The following GPLD1 variants were observed in gnomAD, a reference collection of about 807,000 sequenced individuals.
GPLD1 encodes phosphatidylinositol-glycan-specific phospholipase D.
Under a neutral mutation model 112.6 loss-of-function variants are expected in GPLD1, and 84 were observed. That is an observed-to-expected ratio of 0.75 (90% CI 0.63 to 0.89). The LOEUF (loss-of-function observed/expected upper bound fraction) is 0.89, where lower values mean the gene tolerates loss of function less well. Ranked by LOEUF, GPLD1 falls within the 40% of genes least tolerant of loss-of-function variation. The probability of loss-of-function intolerance (pLI) is 0.00; values close to 1 mark genes in which losing one functional copy is unlikely to be tolerated. For synonymous variants in GPLD1, 386 were observed against 403.8 expected, an observed-to-expected ratio of 0.96 and a Z score of 0.53; for missense variants, 1,044 against 1,051.5, an observed-to-expected ratio of 0.99 and a Z score of 0.10.
At chr6:24,465,596 G>A (rs1414837257) in intron 10 of GPLD1, among the ~76,000 whole-genome samples, 1 of 151,946 alleles carries the variant, frequency 6.6e-6, no homozygotes, top group Non-Finnish European at 1.5e-5. Flanking sequence ...AGAAAGAAAT[G>A]GGTTATCAGA....
In GPLD1 at chr6:24,495,088, T is replaced by C. The variant is rs1764662233; in HGVS notation, n.118A>G. On this transcript the variant is annotated non_coding_transcript_exon_variant, in exon 1 of 11. Coordinates refer to the GPLD1 transcript ENST00000474784. ...CGCCTCCGCCCCCGCGCCGGCGGCC[T>C]GGTCCCTGCCTCCGGGCCTGCGCCC... 3 of 1,322,696 alleles carry C rather than the reference T, an allele frequency of 2.3e-6. No individual in the cohort carries two copies. Among genetic ancestry groups the C allele is most frequent in the South Asian group, 4.4e-5 (2 of 45,194 alleles). 81.9% of individuals were successfully genotyped at this position (1,322,696 alleles called of 1,614,324 possible). A position where few individuals can be genotyped will look rare whatever the true frequency, so the allele number is the denominator to read the frequency against.
At chr6:24,448,921 C>G (rs1306142529) in intron 15 of GPLD1, among the ~76,000 whole-genome samples, 2 of 152,028 alleles carry the variant, frequency 1.3e-5, no homozygotes, top group African/African-American at 4.8e-5. Flanking sequence ...ACTAGGTACA[C>G]AATGACAAAT....
chr6:24,464,485 C>T (rs1283574652), intron 10 of GPLD1, among the ~76,000 whole-genome samples: 1 of 152,236 alleles, frequency 6.6e-6, no homozygotes, highest in South Asian at 2.1e-4. Context: ...TTGTTACTCA[C>T]CGATTGTTAA....
chr6:24,493,910 G>A (rs1764621627), upstream of GPLD1, among the ~76,000 whole-genome samples: 2 of 152,166 alleles, frequency 1.3e-5, no homozygotes, highest in African/African-American at 4.8e-5. Flanking sequence ...ATAGGGCTGG[G>A]CTTCATTTGC....
chr6:24,494,998 T>C lies in GPLD1; in HGVS notation n.208A>G, dbSNP rs1248373329. ...CCTGTCGCCGTCGTTGCCCGGGCCA[T>C]GGCGACCTGCATTTGGCTGCGGAGC... On this transcript the variant is annotated non_coding_transcript_exon_variant, in exon 1 of 11. Transcript: ENST00000474784. 5 of 1,315,294 alleles carry C rather than the reference T, an allele frequency of 3.8e-6. No homozygotes were observed. The African/African-American group carries it at 6.1e-5, about 16-fold the overall frequency. 81.5% of individuals were successfully genotyped at this position (1,315,294 alleles called of 1,614,324 possible).
chr6:24,448,052 A>G lies in GPLD1; in HGVS notation c.1522-19T>C. The G allele has an allele frequency of 1.2e-6, 2 of 1,613,558 alleles. No individual in the cohort carries two copies. The highest frequency in any genetic ancestry group is 1.7e-6 in the Non-Finnish European group (2 of 1,179,786). On this transcript the variant is annotated intron_variant, in intron 16 of 24. Coordinates refer to ENST00000230036, the MANE Select transcript of GPLD1 (RefSeq NM_001503.4). ...AGATGTCCTTAAGAAGAAACCAGGA[A>G]AGCACATTTTACCCAGCCCTGGTGG...
chr6:24,466,610 G>T, intron 10 of GPLD1, 70 bp downstream of exon 10: 2 of 1,285,662 alleles, frequency 1.6e-6, no homozygotes, highest in South Asian at 2.6e-5. Context: ...TGAAAAACCT[G>T]AGAGTTATGT....
At chr6:24,482,099 T>TTTG (rs201469734) in intron 2 of GPLD1, among the ~76,000 whole-genome samples, 8,923 of 51,110 alleles carry the variant, frequency 0.17, 1,011 homozygotes, top group African/African-American at 0.4. Flanking sequence ...ATTTTTGGAT[T>TTTG]TTTTTTTTTT....
At chr6:24,478,299 T>G (rs941635510) in intron 3 of GPLD1, among the ~76,000 whole-genome samples, 1 of 152,094 alleles carries the variant, frequency 6.6e-6, no homozygotes, top group Non-Finnish European at 1.5e-5. Context: ...GTTAACAGAC[T>G]AAGAGGGAAA....
At chr6:24,453,706 G>GTT (rs1554131058) in intron 14 of GPLD1, among the ~76,000 whole-genome samples, 40 of 82,358 alleles carry the variant, frequency 4.9e-4, no homozygotes, top group Non-Finnish European at 1.3e-3. Context: ...TTTCGTGTGT[G>GTT]TGTGTGTGTG....
intron 2 of GPLD1, among the ~76,000 whole-genome samples, chr6:24,482,097 A>ATTTTGTT (rs781099419): frequency 9.7e-6 from 1 of 103,224 alleles, no homozygotes. Context: ...GTATTTTTGG[A>ATTTTGTT]TTTTTTTTTT....
At position 24,454,048 on chromosome 6, in the gene GPLD1, G is replaced by C. The variant is rs1419672137; in HGVS notation, c.1302C>G (p.Asp434Glu). 1.9e-6 allele frequency: 3 copies of C among 1,613,250 alleles called. No homozygotes were observed. ...LGLPPVDLDLDKEAHRILEGF... is the reference protein window; with the variant it reads ...LGLPPVDLDLEKEAHRILEGF... The stretch of plus-strand genomic sequence containing the variant: ...CTTCAAGGATCCTGTGGGCCTCCTT[G>C]TCCAGGTCCAGGTCAACAGGTGGCA... Residue 434 changes from aspartate to glutamate, a missense_variant, in exon 14 of 25, where the codon GAC (aspartate) becomes GAG (glutamate). Transcript: ENST00000230036.
At chr6:24,484,883 T>C (rs181902348) in intron 2 of GPLD1, among the ~76,000 whole-genome samples, 10 of 152,326 alleles carry the variant, frequency 6.6e-5, no homozygotes, top group African/African-American at 2.4e-4. Context: ...CCCAAATGGA[T>C]TATGAAGACT....
rs149870664 is a variant in GPLD1, at chr6:24,473,656, G to A, written c.453C>T (p.His151=). The change falls in exon 6 of 25, where the codon CAC becomes CAT. Residue 151 remains histidine, a synonymous_variant. Coordinates refer to ENST00000230036, the MANE Select transcript of GPLD1 (RefSeq NM_001503.4). ...CCGAATGAGCCTCTGAATAGGAGCC[G>A]TGAAAATCAATCTAAGAAAGAAAGA... ...FLRTMGAIDF[H]GSYSEAHSAG... The A allele has an allele frequency of 6.2e-5, 99 of 1,605,396 alleles. No homozygotes were observed. The highest frequency in any genetic ancestry group is 9.9e-5 in the South Asian group (9 of 90,754).
At chr6:24,462,309 T>C (rs116382677) in intron 11 of GPLD1, among the ~76,000 whole-genome samples, 1 of 151,974 alleles carries the variant, frequency 6.6e-6, no homozygotes, top group Non-Finnish European at 1.5e-5. Context: ...ATTTTGTTCA[T>C]TTTTTGTAGA....
chr6:24,482,025 A>G (rs112661865), intron 2 of GPLD1, among the ~76,000 whole-genome samples: 2 of 152,052 alleles, frequency 1.3e-5, no homozygotes, highest in African/African-American at 4.8e-5. Context: ...TATGCCAAAG[A>G]GCAAACTGTT....
intron 20 of GPLD1, among the ~76,000 whole-genome samples, chr6:24,440,595 A>AAAAAAAAG (rs1762714430): frequency 6.6e-6 from 1 of 150,624 alleles, no homozygotes; most frequent in South Asian, 2.1e-4. Context: ...AAAAAAAAAA[A>AAAAAAAAG]AAGAAGCATA....
chr6:24,454,873 A>C (rs1763217146), intron 13 of GPLD1, among the ~76,000 whole-genome samples: 1 of 152,266 alleles, frequency 6.6e-6, no homozygotes, highest in South Asian at 2.1e-4. Flanking sequence ...TCACGCCTGT[A>C]ATCCCAGCAC....
chr6:24,457,955 A>G (rs1342756488), intron 12 of GPLD1, among the ~76,000 whole-genome samples: 1 of 151,950 alleles, frequency 6.6e-6, no homozygotes, highest in East Asian at 1.9e-4. Flanking sequence ...GAGAGGTCAC[A>G]TGCAGAATGC....
Sources: allele counts gnomAD v4.1 joint callset (sites outside exome capture counted in the v4.1 genomes callset), GRCh38; gene constraint gnomAD v4.1.1; transcripts MANE v1.5; gene names NCBI Gene and HGNC (gene_info 2026-07-23, HGNC 2026-07-21).